SMC1B: variants seen among roughly 807,000 people sequenced by gnomAD.
The protein encoded by SMC1B is structural maintenance of chromosomes 1B, also known as structural maintenance of chromosomes protein 1B.
In SMC1B, 60 loss-of-function variants were observed where a neutral mutation model predicts 157.9. That is an observed-to-expected ratio of 0.38 (90% CI 0.31 to 0.47). The LOEUF is 0.47. SMC1B is among the 20% of genes least tolerant of loss of function. The probability of loss-of-function intolerance (pLI) is 0.99; values close to 1 mark genes in which losing one functional copy is unlikely to be tolerated. For missense variants in SMC1B, 1,165 were observed against 1,426.2 expected (o/e 0.82, Z 2.95); for synonymous variants, 445 against 483.0 (o/e 0.92, Z 1.03).
intron 12 of SMC1B, among the ~76,000 whole-genome samples, chr22:45,382,212 T>C (rs1008904192): frequency 1.3e-5 from 2 of 152,176 alleles, no homozygotes; most frequent in Non-Finnish European, 2.9e-5. Context: ...TTATAAAAGA[T>C]TAAATTTGGC....
rs1365811369 is a variant in SMC1B at position 45,402,426 on chromosome 22, T to C, written c.761A>G (p.Glu254Gly). 1 of 1,613,954 alleles carries C rather than the reference T, an allele frequency of 6.2e-7. No individual in the cohort carries two copies. The highest frequency in any genetic ancestry group is 2.2e-5 in the East Asian group (1 of 44,808). The change falls in exon 5 of 25, where the codon GAG (glutamate) becomes GGG (glycine). Residue 254 changes from glutamate to glycine, a missense_variant. Transcript: ENST00000357450. ...HVNRDLSVKRESLSHHENIVK... is the reference protein window; with the variant it reads ...HVNRDLSVKRGSLSHHENIVK... ...TATGTTTTCATGATGAGACAAAGAC[T>C]CTCTTTTGACACTCAAATCCCTATT...
At chr22:45,363,688 G>A (rs1225294374) in intron 15 of SMC1B, among the ~76,000 whole-genome samples, 1 of 128,388 alleles carries the variant, frequency 7.8e-6, no homozygotes, top group Non-Finnish European at 1.6e-5. Context: ...AAAAACAAAA[G>A]CAGATACAAA....
Position 45,372,178 on chromosome 22 carries a change from T to G in SMC1B, c.2173A>C (p.Lys725Gln), listed in dbSNP as rs2146796476. 3 of 1,609,120 alleles carry G rather than the reference T, an allele frequency of 1.9e-6. No homozygotes were observed. The highest frequency in any genetic ancestry group is 8.5e-7 in the Non-Finnish European group (1 of 1,178,382). ...ACCTGGTAAAAAGCAACAAGGTGCT[T>G]CTTCTTAATCATCTCTAGTTCATTT... ...SQNELEMIKK[K>Q]HLVAFYQEQS... The change falls in exon 13 of 25, where the codon AAG becomes CAG. Residue 725 changes from lysine (K) to glutamine (Q), a missense_variant. Physicochemically the swap from Lys to Gln is moderately conservative, Grantham distance 53. Transcript: ENST00000357450.
chr22:45,367,526 T>C (rs2146788379), intron 15 of SMC1B, among the ~76,000 whole-genome samples: 1 of 152,276 alleles, frequency 6.6e-6, no homozygotes, highest in East Asian at 1.9e-4. Flanking sequence ...CCACTCTAAT[T>C]TGGTGTCTCC....
intron 9 of SMC1B, among the ~76,000 whole-genome samples, chr22:45,390,297 T>C (rs1400945600): frequency 1.3e-5 from 2 of 151,904 alleles, no homozygotes; most frequent in Non-Finnish European, 2.9e-5. Flanking sequence ...GAATTTTCAG[T>C]CTAGTGAGGA....
intron 21 of SMC1B, 26 bp from the exon 22 acceptor site, chr22:45,352,628 A>G: frequency 3.2e-6 from 5 of 1,569,618 alleles, no homozygotes; most frequent in Non-Finnish European, 4.3e-6. Flanking sequence ...TTTATTTAGC[A>G]ATATCAGAAA....
At chr22:45,413,353 G>T (rs537208091) in intron 1 of SMC1B, 106 bp downstream of exon 1, 3 of 862,086 alleles carry the variant, frequency 3.5e-6, no homozygotes, top group South Asian at 1.8e-5. Context: ...GAAGGGGAAG[G>T]CCGGCCAGGC....
intron 15 of SMC1B, among the ~76,000 whole-genome samples, chr22:45,366,549 A>G (rs1429577935): frequency 6.6e-6 from 1 of 152,218 alleles, no homozygotes; most frequent in African/African-American, 2.4e-5. Context: ...TAATTCATCA[A>G]AAAGACAGTG....
At chr22:45,409,024 T>A in intron 1 of SMC1B, 126 bp from the exon 2 acceptor site, 1 of 571,970 alleles carries the variant, frequency 1.7e-6, no homozygotes, top group Admixed American at 3.4e-5. Flanking sequence ...TTAATCAATG[T>A]TCAAAATGCA....
In SMC1B at chr22:45,383,120, C is replaced by T. The variant is rs201915177; in HGVS notation, c.2058+347G>A. On this transcript the variant is annotated intron_variant, in intron 12 of 24. Coordinates refer to ENST00000357450, the MANE Select transcript of SMC1B (RefSeq NM_148674.5). Reference sequence around the variant, plus strand: ...GGCACTCCAGCCTGGGCAACAAGAGCGAAACTCTGTCTCAAAAAAAAAAAC... The same window carrying T: ...GGCACTCCAGCCTGGGCAACAAGAGTGAAACTCTGTCTCAAAAAAAAAAAC... Among the ~76,000 whole-genome samples, 28 of 143,468 alleles carry T rather than the reference C, an allele frequency of 2.0e-4. 1 individual carries two copies. The East Asian group carries it at 3.4e-3, about 17-fold the overall frequency. The allele number at this position is 143,468 out of a possible 152,430, so 94.1% of individuals were successfully genotyped here.
At chr22:45,364,824 C>CTTTTTTTTTTTTTTT (rs202166311) in intron 15 of SMC1B, among the ~76,000 whole-genome samples, 1 of 105,504 alleles carries the variant, frequency 9.5e-6, no homozygotes, top group Non-Finnish European at 1.8e-5. Context: ...ATCTCTTTTC[C>CTTTTTTTTTTTTTTT]TTTTTTTTTT....
intron 22 of SMC1B, among the ~76,000 whole-genome samples, chr22:45,350,473 T>C (rs1371217177): frequency 1.3e-5 from 2 of 152,292 alleles, no homozygotes; most frequent in African/African-American, 4.8e-5. Flanking sequence ...AGATGGGGTT[T>C]CATCATGTTG....
chr22:45,389,333 G>A (rs117231188), intron 10 of SMC1B, among the ~76,000 whole-genome samples: 2 of 152,178 alleles, frequency 1.3e-5, no homozygotes, highest in African/African-American at 4.8e-5. Flanking sequence ...AACACACTGG[G>A]TCAAACATTT....
chr22:45,369,055 C>T (rs142925477), intron 15 of SMC1B, among the ~76,000 whole-genome samples: 61 of 151,536 alleles, frequency 4.0e-4, no homozygotes, highest in Non-Finnish European at 6.9e-4. Context: ...CACTTACTAT[C>T]TACATATATG....
At chr22:45,378,099 C>G (rs2086900621) in intron 12 of SMC1B, among the ~76,000 whole-genome samples, 1 of 151,860 alleles carries the variant, frequency 6.6e-6, no homozygotes, top group African/African-American at 2.4e-5. Context: ...AATAAGTTCC[C>G]TTATATTTTC....
intron 5 of SMC1B, among the ~76,000 whole-genome samples, chr22:45,401,688 C>T (rs1432884074): frequency 6.6e-6 from 1 of 152,236 alleles, no homozygotes; most frequent in Admixed American, 6.5e-5. Flanking sequence ...ATCTATAAAA[C>T]CGCCTGTACT....
chr22:45,395,545 G>A (rs548753510), intron 7 of SMC1B, among the ~76,000 whole-genome samples: 1 of 152,214 alleles, frequency 6.6e-6, no homozygotes, highest in South Asian at 2.1e-4. Flanking sequence ...TATGCGATCT[G>A]ACAAAAGCCC....
chr22:45,355,361 A>C (rs1344278032), intron 19 of SMC1B, among the ~76,000 whole-genome samples: 1 of 152,204 alleles, frequency 6.6e-6, no homozygotes, highest in African/African-American at 2.4e-5. Context: ...GCAACAATTT[A>C]TACTTCACCT....
Position 45,352,510 on chromosome 22 carries a change from G to A in SMC1B, c.3366C>T (p.Asp1122=). The change falls in exon 22 of 25, where the codon GAC becomes GAT. Residue 1122 remains aspartate, a synonymous_variant. Transcript: ENST00000357450. The part of the protein sequence containing the change: ...VAPGKRFMPM[D]NLSGGEKCVA... ...CACACTTTTCTCCCCCTGACAAATT[G>A]TCCATTGGCATAAACCGTTTGCCTG... 1 of 1,614,100 alleles carries A rather than the reference G, an allele frequency of 6.2e-7. No homozygotes were observed. The highest frequency in any genetic ancestry group is 1.1e-5 in the South Asian group (1 of 91,080).
Sources: gnomAD v4.1 joint callset for allele counts (sites outside exome capture counted in the v4.1 genomes callset) on GRCh38, gnomAD v4.1.1 for gene constraint, MANE v1.5 for transcripts, NCBI Gene and HGNC (gene_info 2026-07-23, HGNC 2026-07-21) for gene names.